Variants in ADAMTSL1 observed in about 807,000 individuals in gnomAD.
ADAMTSL1 encodes the protein ADAMTS like 1.
A neutral mutation model predicts 201.8 loss-of-function variants in ADAMTSL1; 126 were observed. The observed-to-expected ratio is 0.62, with a 90% CI of 0.54 to 0.72. The LOEUF (loss-of-function observed/expected upper bound fraction) is 0.72. Ranked by LOEUF, ADAMTSL1 falls within the 30% of genes least tolerant of loss-of-function variation. The pLI, the probability that ADAMTSL1 is intolerant of heterozygous loss-of-function variation, is 0.00. For synonymous variants in ADAMTSL1, 1,121 were observed against 903.4 expected (o/e 1.24, Z -4.32); for missense variants, 2,679 against 2,277.8 (o/e 1.18, Z -3.59).
At chr9:18,747,942 C>A (rs960027177) in intron 15 of ADAMTSL1, among the ~76,000 whole-genome samples, 3 of 152,178 alleles carry the variant, frequency 2.0e-5, no homozygotes, top group Admixed American at 2.0e-4. Flanking sequence ...AATCCAGGCA[C>A]ACTTGAGGCT....
chr9:18,502,572 T>C (rs950046511), intron 1 of ADAMTSL1, among the ~76,000 whole-genome samples: 31 of 152,202 alleles, frequency 2.0e-4, no homozygotes, highest in African/African-American at 7.2e-4. Flanking sequence ...GCACCTCTTA[T>C]TGCAGTGATT....
chr9:18,388,157 T>A (rs570759729), intron 2 of ADAMTSL1, among the ~76,000 whole-genome samples: 1 of 152,124 alleles, frequency 6.6e-6, no homozygotes, highest in Admixed American at 6.5e-5. Context: ...TTTTACACAT[T>A]TTTTTGTAAA....
At chr9:18,398,641 T>C (rs1373824485) in intron 2 of ADAMTSL1, among the ~76,000 whole-genome samples, 1 of 152,188 alleles carries the variant, frequency 6.6e-6, no homozygotes, top group Non-Finnish European at 1.5e-5. Context: ...TTGCTTTACA[T>C]AATTTAAGGT....
intron 2 of ADAMTSL1, among the ~76,000 whole-genome samples, chr9:18,216,332 A>G (rs1344608312): frequency 6.6e-6 from 1 of 152,214 alleles, no homozygotes; most frequent in Admixed American, 6.5e-5. Context: ...ATAGTATTTC[A>G]TAATAAGCAA....
chr9:18,543,744 T>G (rs1185132969), intron 3 of ADAMTSL1, among the ~76,000 whole-genome samples: 3 of 152,208 alleles, frequency 2.0e-5, no homozygotes, highest in Non-Finnish European at 2.9e-5. Flanking sequence ...ATTTGATGGA[T>G]CTGGTGGCTA....
intron 4 of ADAMTSL1, among the ~76,000 whole-genome samples, chr9:18,588,550 C>A (rs746641154): frequency 4.7e-4 from 71 of 151,856 alleles, no homozygotes; most frequent in Non-Finnish European, 7.8e-4. Context: ...TGTTGTGGAG[C>A]ATTTCCCTAA....
chr9:18,287,047 T>C (rs1420413253), intron 2 of ADAMTSL1, among the ~76,000 whole-genome samples: 1 of 152,094 alleles, frequency 6.6e-6, no homozygotes, highest in Non-Finnish European at 1.5e-5. Flanking sequence ...CTAACAAATA[T>C]GAGTTTCTTC....
intron 15 of ADAMTSL1, among the ~76,000 whole-genome samples, chr9:18,734,957 A>G (rs1818420749): frequency 6.6e-6 from 1 of 152,144 alleles, no homozygotes. Flanking sequence ...AAGCTGATAG[A>G]TTTTTGTCCT....
At chr9:18,390,388 G>A (rs1406761594) in intron 2 of ADAMTSL1, among the ~76,000 whole-genome samples, 4 of 152,202 alleles carry the variant, frequency 2.6e-5, no homozygotes, top group African/African-American at 7.2e-5. Flanking sequence ...GGGCAGACAA[G>A]TGGCATCAGA....
chr9:18,697,483 G>A lies in ADAMTSL1; in HGVS notation c.1575-9264G>A, dbSNP rs1043136062. The stretch of plus-strand genomic sequence containing the variant: ...ATTTGCTAGAAAATGCCAGCAGTTC[G>A]TTGAAAAGACAACCAGTAATCTCTT... On this transcript the variant is annotated intron_variant, in intron 13 of 28. Transcript: ENST00000380548. 1.3e-3 allele frequency among the ~76,000 whole-genome samples: 203 copies of A among 152,236 alleles called. 1 individual carries two copies. The highest frequency in any genetic ancestry group is 2.1e-3 in the Non-Finnish European group (140 of 68,008).
intron 2 of ADAMTSL1, among the ~76,000 whole-genome samples, chr9:18,458,664 C>T (rs1259596114): frequency 6.6e-6 from 1 of 152,082 alleles, no homozygotes; most frequent in Non-Finnish European, 1.5e-5. Context: ...GCTTTATATA[C>T]CGGGAAAAAG....
chr9:18,064,310 A>T (rs1373431035), intron 1 of ADAMTSL1, among the ~76,000 whole-genome samples: 3 of 151,888 alleles, frequency 2.0e-5, no homozygotes, highest in Admixed American at 6.6e-5. Context: ...AGTCTCCTCC[A>T]TCTCGGATGA....
intron 7 of ADAMTSL1, among the ~76,000 whole-genome samples, chr9:18,646,808 T>G (rs978109394): frequency 1.3e-5 from 2 of 152,116 alleles, no homozygotes; most frequent in African/African-American, 4.8e-5. Flanking sequence ...TTATTGAGGA[T>G]TTTTGCATCA....
chr9:18,305,124 G>T (rs935858276), intron 2 of ADAMTSL1, among the ~76,000 whole-genome samples: 1 of 152,152 alleles, frequency 6.6e-6, no homozygotes, highest in African/African-American at 2.4e-5. Context: ...CCCTCTCCTA[G>T]ACAAGGGAAG....
chr9:17,977,965 T>G (rs1818520803), intron 1 of ADAMTSL1, among the ~76,000 whole-genome samples: 1 of 152,074 alleles, frequency 6.6e-6, no homozygotes, highest in African/African-American at 2.4e-5. Context: ...TGTTAATATT[T>G]GCTTTATATT....
intron 1 of ADAMTSL1, among the ~76,000 whole-genome samples, chr9:17,922,997 A>G (rs1205501780): frequency 6.6e-6 from 1 of 152,114 alleles, no homozygotes; most frequent in African/African-American, 2.4e-5. Flanking sequence ...TCAAGTCATC[A>G]TGCCCCTGGA....
At chr9:18,416,646 CAG>C (rs1818689210) in intron 2 of ADAMTSL1, among the ~76,000 whole-genome samples, 1 of 151,910 alleles carries the variant, frequency 6.6e-6, no homozygotes, top group Non-Finnish European at 1.5e-5. Flanking sequence ...TCAGGCAAAA[CAG>C]ATGTCACATT....
chr9:18,652,365 C>CAAAAAAAAAAAAAAAAAATAA (rs34900718), intron 7 of ADAMTSL1, among the ~76,000 whole-genome samples: 1 of 94,962 alleles, frequency 1.1e-5, no homozygotes, highest in African/African-American at 4.2e-5. Flanking sequence ...AACTCCATCT[C>CAAAAAAAAAAAAAAAAAATAA]AAAAAAAAAA....
intron 2 of ADAMTSL1, among the ~76,000 whole-genome samples, chr9:18,459,222 C>T (rs951969788): frequency 9.2e-5 from 14 of 152,216 alleles, no homozygotes; most frequent in Non-Finnish European, 1.9e-4. Context: ...TCTCAAGCAG[C>T]TTATGTTATA....
Sources: allele counts gnomAD v4.1 joint callset (sites outside exome capture counted in the v4.1 genomes callset), GRCh38; gene constraint gnomAD v4.1.1; transcripts MANE v1.5; gene names NCBI Gene and HGNC (gene_info 2026-07-23, HGNC 2026-07-21).